The following CNTN5 variants were observed in gnomAD, a reference collection of about 807,000 sequenced individuals.
The protein encoded by CNTN5 is contactin 5, also known as contactin-5.
CNTN5 carries 77 observed loss-of-function variants against 129.1 expected under a neutral mutation model. The observed-to-expected ratio is 0.60, with a 90% CI of 0.50 to 0.72. The LOEUF is 0.72. Ranked by LOEUF, CNTN5 falls within the 30% of genes least tolerant of loss-of-function variation. The pLI is 0.00. For synonymous variants in CNTN5, 509 were observed against 465.6 expected, an observed-to-expected ratio of 1.09 and a Z score of -1.20; for missense variants, 1,478 against 1,328.8, an observed-to-expected ratio of 1.11 and a Z score of -1.75.
intron 4 of CNTN5, among the ~76,000 whole-genome samples, chr11:99,824,886 G>A (rs970049269): frequency 6.6e-6 from 1 of 151,798 alleles, no homozygotes; most frequent in Non-Finnish European, 1.5e-5. Flanking sequence ...TCAGTAACAT[G>A]GTTTAATTTT....
intron 6 of CNTN5, among the ~76,000 whole-genome samples, chr11:99,862,940 A>G (rs918306057): frequency 6.6e-6 from 1 of 152,106 alleles, no homozygotes; most frequent in Admixed American, 6.6e-5. Context: ...AAGTGTATAT[A>G]TATGTGTGTG....
At chr11:99,981,864 C>T (rs1295334855) in intron 8 of CNTN5, among the ~76,000 whole-genome samples, 2 of 152,042 alleles carry the variant, frequency 1.3e-5, no homozygotes, top group East Asian at 1.9e-4. Flanking sequence ...TAATCAGAGC[C>T]CATATCAGCC....
intron 3 of CNTN5, among the ~76,000 whole-genome samples, chr11:99,677,527 C>T (rs1953344061): frequency 6.6e-6 from 1 of 152,136 alleles, no homozygotes. Context: ...TGGCAACATG[C>T]AGTCTCATGC....
intron 1 of CNTN5, among the ~76,000 whole-genome samples, chr11:99,172,492 A>G (rs1156258161): frequency 6.6e-6 from 1 of 152,202 alleles, no homozygotes; most frequent in Non-Finnish European, 1.5e-5. Flanking sequence ...GAATAATGAA[A>G]TGAGCACCAA....
intron 1 of CNTN5, among the ~76,000 whole-genome samples, chr11:99,321,205 C>T (rs1056014216): frequency 3.3e-3 from 13 of 3,898 alleles, no homozygotes; most frequent in Non-Finnish European, 9.5e-3. Flanking sequence ...CAATTGCATA[C>T]ACACACACAC....
At chr11:100,098,315 C>T (rs1050373489) in intron 13 of CNTN5, among the ~76,000 whole-genome samples, 1 of 151,972 alleles carries the variant, frequency 6.6e-6, no homozygotes, top group Non-Finnish European at 1.5e-5. Context: ...TGATTACTTA[C>T]ATTATAAAGG....
chr11:99,122,237 CA>C (rs1425181316), intron 1 of CNTN5, among the ~76,000 whole-genome samples: 8 of 152,056 alleles, frequency 5.3e-5, no homozygotes, highest in Non-Finnish European at 8.8e-5. Context: ...GCTTTAGGAA[CA>C]GTTGTCATAG....
At chr11:100,323,392 G>C (rs1951729876) in intron 21 of CNTN5, among the ~76,000 whole-genome samples, 1 of 152,198 alleles carries the variant, frequency 6.6e-6, no homozygotes, top group African/African-American at 2.4e-5. Context: ...TTGCCAGAGG[G>C]ATTGAAGAAC....
chr11:99,819,484 A>G, intron 3 of CNTN5, 60 bp from the exon 4 acceptor site: 1 of 1,439,900 alleles, frequency 6.9e-7, no homozygotes, highest in Non-Finnish European at 9.6e-7. Context: ...CAATCTTCAT[A>G]AGAAAAAAAT....
At chr11:100,296,830 C>A (rs558133838) in intron 18 of CNTN5, among the ~76,000 whole-genome samples, 1 of 151,470 alleles carries the variant, frequency 6.6e-6, no homozygotes, top group African/African-American at 2.4e-5. Flanking sequence ...ATATCAATAT[C>A]GTTTAAAAAT....
intron 13 of CNTN5, among the ~76,000 whole-genome samples, chr11:100,127,335 G>A (rs1023239951): frequency 6.6e-6 from 1 of 151,892 alleles, no homozygotes; most frequent in African/African-American, 2.4e-5. Flanking sequence ...TGCTTGCCTG[G>A]AAAAGATGAT....
At chr11:100,315,190 C>T (rs1379168612) in intron 21 of CNTN5, among the ~76,000 whole-genome samples, 1 of 152,130 alleles carries the variant, frequency 6.6e-6, no homozygotes, top group Non-Finnish European at 1.5e-5. Context: ...AGAGGCTTCC[C>T]CTGGTAGCAT....
In CNTN5 at chr11:100,311,242, T is replaced by G. The variant is rs569248972; in HGVS notation, c.2730+2774T>G. ...GGTGAGACAGAATTTGACAATAAATTACATGTAGGCTATGAAAAAGATGAG... is the reference window on the plus strand; with the variant it reads ...GGTGAGACAGAATTTGACAATAAATGACATGTAGGCTATGAAAAAGATGAG... On this transcript the variant is annotated intron_variant, in intron 21 of 24. Transcript: ENST00000524871. 5.3e-4 allele frequency among the ~76,000 whole-genome samples: 80 copies of G among 151,194 alleles called. No homozygotes were observed. In the South Asian group the frequency reaches 0.016, roughly 31 times the overall value.
chr11:99,022,853 T>C (rs1862939881), intron 1 of CNTN5, among the ~76,000 whole-genome samples: 2 of 152,162 alleles, frequency 1.3e-5, no homozygotes, highest in Admixed American at 6.6e-5. Flanking sequence ...AATTGGTGTA[T>C]CCTTTAAATT....
chr11:100,303,805 CTTGAAAATTA>C (rs1951285805), intron 20 of CNTN5, among the ~76,000 whole-genome samples: 1 of 151,594 alleles, frequency 6.6e-6, no homozygotes, highest in Admixed American at 6.6e-5. Flanking sequence ...TTTATGTGAA[CTTGAAAATTA>C]ATAAATTGAC....
chr11:99,546,526 T>C (rs954866641), intron 2 of CNTN5, among the ~76,000 whole-genome samples: 3 of 152,178 alleles, frequency 2.0e-5, no homozygotes, highest in Non-Finnish European at 4.4e-5. Context: ...CCCTGCAGGC[T>C]ATAACCCTTT....
At chr11:100,155,131 T>C (rs1464446278) in intron 13 of CNTN5, among the ~76,000 whole-genome samples, 1 of 152,218 alleles carries the variant, frequency 6.6e-6, no homozygotes, top group African/African-American at 2.4e-5. Flanking sequence ...TTAGGTTGTC[T>C]TCTAGGGTTT....
chr11:99,611,349 AACAG>A (rs1265199401), intron 3 of CNTN5, among the ~76,000 whole-genome samples: 2 of 152,274 alleles, frequency 1.3e-5, no homozygotes, highest in African/African-American at 4.8e-5. Flanking sequence ...GATTCCCCCA[AACAG>A]ATATAATTCA....
chr11:99,376,871 G>A (rs1016835271), intron 2 of CNTN5, among the ~76,000 whole-genome samples: 1 of 152,146 alleles, frequency 6.6e-6, no homozygotes, highest in Non-Finnish European at 1.5e-5. Context: ...GATGCACAAT[G>A]ACAGCTTGTT....
Sources: gnomAD v4.1 joint callset for allele counts (sites outside exome capture counted in the v4.1 genomes callset) on GRCh38, gnomAD v4.1.1 for gene constraint, MANE v1.5 for transcripts, NCBI Gene and HGNC (gene_info 2026-07-23, HGNC 2026-07-21) for gene names.